Variants in SNX31 observed in about 807,000 individuals in gnomAD.
SNX31 encodes the protein sorting nexin-31.
In SNX31, 58 loss-of-function variants were observed where a neutral mutation model predicts 65.4. The observed-to-expected ratio is 0.89, with a 90% CI of 0.72 to 1.10. SNX31 has a LOEUF of 1.10. Among genes scored for constraint, SNX31 ranks in the 50% least tolerant of loss-of-function variants. The pLI is 0.00. For missense variants in SNX31, 523 were observed against 529.7 expected, an observed-to-expected ratio of 0.99 and a Z score of 0.12; for synonymous variants, 181 against 190.1, an observed-to-expected ratio of 0.95 and a Z score of 0.39.
At chr8:100,642,088 A>AACAG (rs1248256256) in intron 2 of SNX31, among the ~76,000 whole-genome samples, 2 of 151,650 alleles carry the variant, frequency 1.3e-5, no homozygotes, top group African/African-American at 4.8e-5. Flanking sequence ...CAAACAAACA[A>AACAG]ACAAACAAAA....
rs1055436568 is a variant in SNX31 at position 100,600,371 on chromosome 8, T to C, written c.752A>G (p.Gln251Arg). ...CACCTTTGTTTGACTGTCTTCTTTC[T>C]GGAAAGCTTCTAATTTCTGCCTCTG... ...QAQRQKLEAF[Q>R]KEDSQTKFLE... is the part of the protein sequence containing the mutation. The change falls in exon 9 of 14, where the codon CAG (glutamine) becomes CGG (arginine). Residue 251 changes from glutamine (Q) to arginine (R), a missense_variant. By Grantham distance (43) the Gln-to-Arg change is conservative (BLOSUM62 1). Transcript: ENST00000311812. 3 of 1,613,838 alleles carry C rather than the reference T, an allele frequency of 1.9e-6. No homozygotes were observed. Among genetic ancestry groups the C allele is most frequent in the Non-Finnish European group, 2.5e-6 (3 of 1,179,810 alleles).
In SNX31 at chr8:100,644,190, G is replaced by A. The variant is rs537818159; in HGVS notation, c.141+5084C>T. Among the ~76,000 whole-genome samples, 12 of 152,218 alleles carry A rather than the reference G, an allele frequency of 7.9e-5. No homozygotes were observed. In the South Asian group the frequency reaches 2.1e-3, roughly 26 times the overall value. On this transcript the variant is annotated intron_variant, in intron 2 of 13. Coordinates refer to ENST00000311812, the MANE Select transcript of SNX31 (RefSeq NM_152628.4). ...TGGCAGGGAGGACAACTGAACCAGCGCACACAGGCTGCACAGCCCTCCCCT... is the reference window on the plus strand; with the variant it reads ...TGGCAGGGAGGACAACTGAACCAGCACACACAGGCTGCACAGCCCTCCCCT...
rs1319326756 is a variant in SNX31, at chr8:100,630,653, C to T, written c.257-262G>A. Reference sequence around the variant, plus strand: ...ACTTTATTTATACAAACCCATACTACTGAACATCCATTTTGCTGCCCTACC... The same window carrying T: ...ACTTTATTTATACAAACCCATACTATTGAACATCCATTTTGCTGCCCTACC... On this transcript the variant is annotated intron_variant, in intron 3 of 13. Coordinates refer to ENST00000311812, the MANE Select transcript of SNX31 (RefSeq NM_152628.4). This position sits in a 1 kb window ranked among gnomAD's most constrained non-coding sequence, Gnocchi z 5.3. Among the ~76,000 whole-genome samples the T allele has an allele frequency of 6.6e-6, 1 of 152,216 alleles. No homozygotes were observed. The highest frequency in any genetic ancestry group is 1.5e-5 in the Non-Finnish European group (1 of 68,042).
intron 4 of SNX31, among the ~76,000 whole-genome samples, chr8:100,621,732 C>T (rs967720217): frequency 6.6e-6 from 1 of 152,222 alleles, no homozygotes; most frequent in African/African-American, 2.4e-5. Context: ...TAAAACCCTC[C>T]AACATCCTAA....
chr8:100,607,826 A>AATTTTAAACT (rs1400230255), intron 8 of SNX31, among the ~76,000 whole-genome samples: 1 of 152,230 alleles, frequency 6.6e-6, no homozygotes, highest in African/African-American at 2.4e-5. Context: ...TTTTAAAATA[A>AATTTTAAACT]AAACTAAAAA....
In SNX31 at chr8:100,613,103, C is replaced by T; in HGVS notation, c.433-18G>A. 6.2e-7 allele frequency: 1 copy of T among 1,609,634 alleles called. No individual in the cohort carries two copies. The highest frequency in any genetic ancestry group is 8.5e-7 in the Non-Finnish European group (1 of 1,176,158). ...GACACCACCTTTAACCAGAAACAAG[C>T]AGAAAGGGAAAAAGTTAGGTGTGCC... is the stretch of plus-strand genomic sequence containing the variant. On this transcript the variant is annotated intron_variant, in intron 5 of 13. Transcript: ENST00000311812. This position sits in a 1 kb window ranked among gnomAD's most constrained non-coding sequence, Gnocchi z 5.2.
At chr8:100,591,443 C>A (rs538558296) in intron 10 of SNX31, among the ~76,000 whole-genome samples, 2 of 141,720 alleles carry the variant, frequency 1.4e-5, no homozygotes, top group South Asian at 4.4e-4. Context: ...GAGCCGAGAT[C>A]GCGCCACTGC....
intron 8 of SNX31, among the ~76,000 whole-genome samples, chr8:100,606,927 G>A (rs1563541173): frequency 6.6e-6 from 1 of 152,214 alleles, no homozygotes; most frequent in Admixed American, 6.5e-5. Context: ...AGGGCTTAAT[G>A]CTGACATCGT....
rs866130726 is a variant in SNX31, at chr8:100,641,595, T to C, written c.142-5584A>G. 6.8e-3 allele frequency among the ~76,000 whole-genome samples: 150 copies of C among 22,066 alleles called. 5 individuals are homozygous for C. Among genetic ancestry groups the C allele is most frequent in the African/African-American group, 0.023 (75 of 3,258 alleles). 14.5% of individuals were successfully genotyped at this position (22,066 alleles called of 152,430 possible). A position where few individuals can be genotyped will look rare whatever the true frequency, so the allele number is the denominator to read the frequency against. On this transcript the variant is annotated intron_variant, in intron 2 of 13. Coordinates refer to ENST00000311812, the MANE Select transcript of SNX31 (RefSeq NM_152628.4). ...ATATATATATATATATATATATATA[T>C]ACACATACACACACACACGCACACA...
intron 12 of SNX31, 92 bp from the exon 13 acceptor site, chr8:100,577,167 A>T (rs1484915643): frequency 3.7e-6 from 4 of 1,083,744 alleles, no homozygotes; most frequent in Non-Finnish European, 5.5e-6. Context: ...CTTCCACGAT[A>T]ATCCTCTTAA....
rs536138620 is a variant in SNX31 at position 100,578,753 on chromosome 8, G to T, written c.1171-1678C>A. 6.7e-6 allele frequency among the ~76,000 whole-genome samples: 1 copy of T among 148,348 alleles called. No individual in the cohort carries two copies. The highest frequency in any genetic ancestry group is 2.5e-5 in the African/African-American group (1 of 39,680). On this transcript the variant is annotated intron_variant, in intron 12 of 13. Transcript: ENST00000311812. This position sits in a 1 kb window ranked among gnomAD's most constrained non-coding sequence, Gnocchi z 4.7. ...TATTATTATTTTGAGACAGAGTCTC[G>T]CTGTGTTGCCCAGGCTAGAGTGCAG...
intron 10 of SNX31, among the ~76,000 whole-genome samples, chr8:100,590,945 A>C (rs1038317823): frequency 3.3e-5 from 5 of 152,214 alleles, no homozygotes; most frequent in Non-Finnish European, 7.3e-5. Flanking sequence ...GGTTTCCAGG[A>C]TATAACACAA....
At chr8:100,592,084 A>T (rs2509762) in intron 10 of SNX31, among the ~76,000 whole-genome samples, 38,379 of 152,152 alleles carry the variant, frequency 0.25, 5,178 homozygotes, top group Non-Finnish European at 0.29. Context: ...GCAAAAAGAA[A>T]AAAGTATCAA....
chr8:100,583,746 C>T lies in SNX31; in HGVS notation c.1170+365G>A, dbSNP rs186146902. On this transcript the variant is annotated intron_variant, in intron 12 of 13. Coordinates refer to ENST00000311812, the MANE Select transcript of SNX31 (RefSeq NM_152628.4). ...GATAAACTTATAATAAGATCATCCCCACTGTGTTAAAGACCCCCTCAAGAC... is the reference window on the plus strand; with the variant it reads ...GATAAACTTATAATAAGATCATCCCTACTGTGTTAAAGACCCCCTCAAGAC... Among the ~76,000 whole-genome samples, 334 of 152,262 alleles carry T rather than the reference C, an allele frequency of 2.2e-3. 1 individual carries two copies. Among genetic ancestry groups the T allele is most frequent in the South Asian group, 8.3e-3 (40 of 4,822 alleles).
upstream of SNX31, among the ~76,000 whole-genome samples, chr8:100,654,001 GTTTTGTTTTTGT>G (rs1000769559): frequency 6.6e-6 from 1 of 152,064 alleles, no homozygotes; most frequent in Non-Finnish European, 1.5e-5. Flanking sequence ...AACTTGGTGG[GTTTTGTTTTTGT>G]TTTTGTTTTT....
At chr8:100,635,245 T>TA (rs1485504740) in intron 3 of SNX31, among the ~76,000 whole-genome samples, 6 of 151,408 alleles carry the variant, frequency 4.0e-5, no homozygotes, top group African/African-American at 9.7e-5. Flanking sequence ...TTTATTTATT[T>TA]TTATCTTTTT....
chr8:100,659,464 A>G lies in SNX31; in HGVS notation c.-58+3678T>C, dbSNP rs565158823. 3.0e-4 allele frequency among the ~76,000 whole-genome samples: 46 copies of G among 151,984 alleles called. No individual in the cohort carries two copies. In the South Asian group the frequency reaches 5.0e-3, roughly 16 times the overall value. The stretch of plus-strand genomic sequence containing the variant: ...TGAGGCTGTCCCATGTACGGGTCTC[A>G]GAGACAGATATCTAAGATATTTGGT... On this transcript the variant is annotated intron_variant, in intron 1 of 5. Transcript: ENST00000520352.
intron 8 of SNX31, among the ~76,000 whole-genome samples, chr8:100,602,743 C>T (rs1391873347): frequency 6.6e-6 from 1 of 152,142 alleles, no homozygotes; most frequent in African/African-American, 2.4e-5. Context: ...ATGCAGACAG[C>T]ACGAAGAAAC....
Position 100,656,980 on chromosome 8 carries a change from T to C in SNX31, c.-58+6162A>G, listed in dbSNP as rs74454737. Among the ~76,000 whole-genome samples, 896 of 152,284 alleles carry C rather than the reference T, an allele frequency of 5.9e-3. 5 individuals carry two copies. Among genetic ancestry groups the C allele is most frequent in the African/African-American group, 0.017 (709 of 41,556 alleles). On this transcript the variant is annotated intron_variant, in intron 1 of 5. Coordinates refer to the SNX31 transcript ENST00000520352. ...AACCAGGCATTGAATTCTGAAGAAA[T>C]ACAGGTGCAAGAGCAAGCATTCGAC...
Sources: allele counts gnomAD v4.1 joint callset (sites outside exome capture counted in the v4.1 genomes callset), GRCh38; gene constraint gnomAD v4.1.1; non-coding constraint Gnocchi (gnomAD v3.1); transcripts MANE v1.5; gene names NCBI Gene and HGNC (gene_info 2026-07-23, HGNC 2026-07-21).